Variants in GRIA1 observed in about 807,000 individuals in gnomAD.
GRIA1 encodes glutamate ionotropic receptor AMPA type subunit 1.
Under a neutral mutation model 99.2 loss-of-function variants are expected in GRIA1, and 31 were observed. The ratio of observed to expected loss-of-function variants is 0.31; its 90% CI spans 0.23 to 0.42. GRIA1 has a LOEUF of 0.42. GRIA1 is among the 10% of genes least tolerant of loss of function. The pLI, the probability that GRIA1 is intolerant of heterozygous loss-of-function variation, is 1.00. For missense variants in GRIA1, 782 were observed against 1,157.5 expected (o/e 0.68, Z 4.71); for synonymous variants, 438 against 432.4 (o/e 1.01, Z -0.16).
chr5:153,713,086 T>A (rs1215800260), intron 11 of GRIA1, among the ~76,000 whole-genome samples: 1 of 152,126 alleles, frequency 6.6e-6, no homozygotes, highest in African/African-American at 2.4e-5. Flanking sequence ...AACATTGAGT[T>A]TGATATTGAG....
intron 2 of GRIA1, among the ~76,000 whole-genome samples, chr5:153,569,121 A>C (rs1051811912): frequency 2.0e-5 from 3 of 152,124 alleles, no homozygotes; most frequent in African/African-American, 7.2e-5. Flanking sequence ...TTCATAACTA[A>C]ATTGTAGTTC....
chr5:153,506,723 G>A (rs776509493), intron 2 of GRIA1, among the ~76,000 whole-genome samples: 4 of 152,256 alleles, frequency 2.6e-5, no homozygotes, highest in Non-Finnish European at 4.4e-5. Context: ...AGCTCACAGC[G>A]CCCGCATGGA....
At chr5:153,617,998 T>C (rs1321668906) in intron 2 of GRIA1, among the ~76,000 whole-genome samples, 2 of 152,208 alleles carry the variant, frequency 1.3e-5, no homozygotes, top group Admixed American at 6.5e-5. Context: ...AGATCCTGGA[T>C]TTATGTGTGG....
chr5:153,512,128 C>A (rs1395895452), intron 2 of GRIA1, among the ~76,000 whole-genome samples: 1 of 152,128 alleles, frequency 6.6e-6, no homozygotes, highest in Non-Finnish European at 1.5e-5. Context: ...TGCTGAGATT[C>A]AGTGTGGAAG....
chr5:153,640,940 T>C (rs76931139), intron 2 of GRIA1, among the ~76,000 whole-genome samples: 101 of 152,306 alleles, frequency 6.6e-4, no homozygotes, highest in African/African-American at 2.3e-3. Flanking sequence ...ATATCTATTA[T>C]GGTAATTCTT....
intron 11 of GRIA1, among the ~76,000 whole-genome samples, chr5:153,740,894 A>G (rs1410475824): frequency 6.6e-6 from 1 of 151,698 alleles, no homozygotes; most frequent in Non-Finnish European, 1.5e-5. Context: ...CCAGCCTGCC[A>G]TAGATACGTA....
chr5:153,778,221 G>T (rs1195914420), intron 13 of GRIA1, among the ~76,000 whole-genome samples: 1 of 140,378 alleles, frequency 7.1e-6, no homozygotes, highest in Admixed American at 7.2e-5. Flanking sequence ...GTGTGTGTGT[G>T]TGTGTTTCAA....
intron 2 of GRIA1, among the ~76,000 whole-genome samples, chr5:153,506,323 GTGTGT>G (rs1222773674): frequency 1.9e-4 from 14 of 74,682 alleles, no homozygotes; most frequent in African/African-American, 5.2e-4. Flanking sequence ...AAGGGTGTGT[GTGTGT>G]GTGTGTGTGT....
chr5:153,521,237 T>C (rs1208818619), intron 2 of GRIA1, among the ~76,000 whole-genome samples: 2 of 152,206 alleles, frequency 1.3e-5, no homozygotes, highest in Non-Finnish European at 2.9e-5. Context: ...CCCTGGACAG[T>C]GGACCAAGGT....
At chr5:153,717,026 G>A (rs1759711803) in intron 11 of GRIA1, among the ~76,000 whole-genome samples, 1 of 151,706 alleles carries the variant, frequency 6.6e-6, no homozygotes, top group African/African-American at 2.4e-5. Flanking sequence ...GGCTGTTGAG[G>A]AGGATGAACA....
intron 11 of GRIA1, among the ~76,000 whole-genome samples, chr5:153,749,868 T>C (rs1762400346): frequency 2.0e-5 from 3 of 152,090 alleles, no homozygotes; most frequent in Admixed American, 2.0e-4. Flanking sequence ...CAAAGGACGA[T>C]TCTCTTTGAA....
At chr5:153,650,764 TA>T (rs5872330) in intron 4 of GRIA1, among the ~76,000 whole-genome samples, 31,229 of 147,644 alleles carry the variant, frequency 0.21, 4,068 homozygotes, top group African/African-American at 0.38. Context: ...CTCTATTGTT[TA>T]AAAAAAAAAA....
intron 11 of GRIA1, among the ~76,000 whole-genome samples, chr5:153,718,273 A>G (rs549271655): frequency 1.3e-5 from 2 of 152,230 alleles, no homozygotes; most frequent in South Asian, 4.1e-4. Flanking sequence ...GTTAATAGTC[A>G]ATAGGTAAAG....
intron 2 of GRIA1, among the ~76,000 whole-genome samples, chr5:153,545,488 T>A (rs769233921): frequency 1.3e-5 from 2 of 152,108 alleles, no homozygotes; most frequent in Non-Finnish European, 2.9e-5. Flanking sequence ...AATCATAACC[T>A]TCTATGCATT....
At chr5:153,545,693 C>T (rs987663207) in intron 2 of GRIA1, among the ~76,000 whole-genome samples, 4 of 152,118 alleles carry the variant, frequency 2.6e-5, no homozygotes, top group Non-Finnish European at 4.4e-5. Context: ...TTTTGTGAGC[C>T]ATACGGTCTC....
chr5:153,582,581 G>A (rs539991978), intron 2 of GRIA1, among the ~76,000 whole-genome samples: 18 of 152,122 alleles, frequency 1.2e-4, no homozygotes, highest in South Asian at 6.2e-4. Flanking sequence ...CCCTGAATAC[G>A]GGGACAGCTC....
At chr5:153,650,295 G>A (rs904112647) in intron 3 of GRIA1, 35 bp from the exon 4 acceptor site, 10 of 567,602 alleles carry the variant, frequency 1.8e-5, no homozygotes, top group Non-Finnish European at 2.5e-5. Context: ...AATCCTGACT[G>A]TCTGTCATTT....
intron 2 of GRIA1, among the ~76,000 whole-genome samples, chr5:153,526,469 T>G (rs940324582): frequency 3.9e-5 from 6 of 152,246 alleles, no homozygotes; most frequent in Non-Finnish European, 8.8e-5. Context: ...AATGTTTGGT[T>G]GTGTTTTAAA....
At chr5:153,711,189 A>C (rs1414682644) in intron 11 of GRIA1, among the ~76,000 whole-genome samples, 3 of 152,204 alleles carry the variant, frequency 2.0e-5, no homozygotes, top group Admixed American at 6.5e-5. Flanking sequence ...ATGGAAGACC[A>C]TTGGAGGGTT....
Sources: allele counts gnomAD v4.1 joint callset (sites outside exome capture counted in the v4.1 genomes callset), GRCh38; gene constraint gnomAD v4.1.1; transcripts MANE v1.5; gene names NCBI Gene and HGNC (gene_info 2026-07-23, HGNC 2026-07-21).